Variants in PTPRN2 observed in about 807,000 individuals in gnomAD.
PTPRN2 encodes protein tyrosine phosphatase receptor type N2, also known as receptor-type tyrosine-protein phosphatase N2.
A neutral mutation model predicts 118.8 loss-of-function variants in PTPRN2; 74 were observed. The ratio of observed to expected loss-of-function variants is 0.62; its 90% CI spans 0.52 to 0.76. PTPRN2 has a LOEUF of 0.76. Among genes scored for constraint, PTPRN2 ranks in the 30% least tolerant of loss-of-function variants. The pLI is 0.00. For synonymous variants in PTPRN2, 641 were observed against 608.0 expected, an observed-to-expected ratio of 1.05 and a Z score of -0.80; for missense variants, 1,481 against 1,394.4, an observed-to-expected ratio of 1.06 and a Z score of -0.99.
Position 158,336,366 on chromosome 7 carries a change from T to G in PTPRN2, c.164-19434A>C, listed in dbSNP as rs62480959. ...GTCACTCACACCCACACTCTCACCA[T>G]AAGAGCTGACACATGCAGACGTCAC... On this transcript the variant is annotated intron_variant, in intron 2 of 22. Transcript: ENST00000389418. Among the ~76,000 whole-genome samples, 230 of 52,836 alleles carry G rather than the reference T, an allele frequency of 4.4e-3. 2 individuals are homozygous for G. The highest frequency in any genetic ancestry group is 0.015 in the African/African-American group (208 of 14,022). The allele number at this position is 52,836 out of a possible 152,430, so 34.7% of individuals were successfully genotyped here.
Position 157,794,309 on chromosome 7 carries a change from C to CCGACCCG in PTPRN2, c.1788+104363_1788+104364insCGGGTCG, listed in dbSNP as rs1804727018. Among the ~76,000 whole-genome samples, 5 of 151,818 alleles carry CCGACCCG rather than the reference C, an allele frequency of 3.3e-5. No homozygotes were observed. In the South Asian group the frequency reaches 1.1e-3, roughly 32 times the overall value. On this transcript the variant is annotated intron_variant, in intron 12 of 22. Coordinates refer to ENST00000389418, the MANE Select transcript of PTPRN2 (RefSeq NM_002847.5). This position sits in a 1 kb window ranked among gnomAD's most constrained non-coding sequence, Gnocchi z 5.2. ...CTCACACCTCCCCTCGTTCTCTGCT[C>CCGACCCG]TGACCCGGGCTCACACCTCCCTGCT...
intron 19 of PTPRN2, among the ~76,000 whole-genome samples, chr7:157,573,785 C>T (rs779891588): frequency 1.1e-4 from 17 of 152,178 alleles, no homozygotes; most frequent in Middle Eastern, 3.2e-3. Flanking sequence ...TCACAGTATA[C>T]GGAAGATACC....
In PTPRN2 at chr7:157,540,640, C is replaced by G. The variant is rs1014218447; in HGVS notation, c.*74G>C. The stretch of plus-strand genomic sequence containing the variant: ...CTATGCAGTTATAATAGAAGACACA[C>G]AATTAAAGTCAGATCATGATTCCTG... On this transcript the variant is annotated 3_prime_UTR_variant, in exon 23 of 23. Coordinates refer to ENST00000389418, the MANE Select transcript of PTPRN2 (RefSeq NM_002847.5). 3.1e-6 allele frequency: 4 copies of G among 1,290,534 alleles called. No individual in the cohort carries two copies. The African/African-American group carries it at 6.0e-5, about 19-fold the overall frequency. 79.9% of individuals were successfully genotyped at this position (1,290,534 alleles called of 1,614,324 possible).
At position 157,780,929 on chromosome 7, in the gene PTPRN2, C is replaced by T. The variant is rs1803641708; in HGVS notation, c.1789-97992G>A. 6.6e-6 allele frequency among the ~76,000 whole-genome samples: 1 copy of T among 152,224 alleles called. No individual in the cohort carries two copies. The highest frequency in any genetic ancestry group is 1.5e-5 in the Non-Finnish European group (1 of 68,036). On this transcript the variant is annotated intron_variant, in intron 12 of 22. Coordinates refer to ENST00000389418, the MANE Select transcript of PTPRN2 (RefSeq NM_002847.5). This position sits in a 1 kb window ranked among gnomAD's most constrained non-coding sequence, Gnocchi z 4.5. ...CACACCTGAACTCTCACCACCCCCACCGAGGCAGTGGGCAGCCCCTGAGCC... is the reference window on the plus strand; with the variant it reads ...CACACCTGAACTCTCACCACCCCCATCGAGGCAGTGGGCAGCCCCTGAGCC...
chr7:157,604,109 T>C (rs1455332675), intron 15 of PTPRN2, 34 bp from the exon 16 acceptor site: 6 of 1,603,714 alleles, frequency 3.7e-6, no homozygotes, highest in Admixed American at 3.3e-5. Flanking sequence ...CAGAGGAACA[T>C]TGGCCCACCC....
chr7:158,101,578 ATTC>A (rs1373578465), intron 10 of PTPRN2, among the ~76,000 whole-genome samples: 2 of 152,218 alleles, frequency 1.3e-5, no homozygotes, highest in African/African-American at 4.8e-5. Flanking sequence ...GAATAAACTC[ATTC>A]CTTCTTCCAG....
chr7:158,334,613 G>A (rs1426055842), intron 2 of PTPRN2, among the ~76,000 whole-genome samples: 1 of 100,680 alleles, frequency 9.9e-6, no homozygotes, highest in African/African-American at 3.5e-5. Context: ...CATAAGAGCC[G>A]ACGCCCGCAG....
At chr7:158,439,237 C>T (rs530929760) in intron 2 of PTPRN2, among the ~76,000 whole-genome samples, 7 of 152,166 alleles carry the variant, frequency 4.6e-5, no homozygotes, top group African/African-American at 1.7e-4. Context: ...GGGCACATGC[C>T]TCAGGCCCCC....
chr7:157,741,076 T>C (rs996070993), intron 12 of PTPRN2, among the ~76,000 whole-genome samples: 9 of 152,172 alleles, frequency 5.9e-5, no homozygotes, highest in African/African-American at 1.9e-4. Context: ...CTCATGTGAT[T>C]TGGAGGCCAA....
intron 7 of PTPRN2, 58 bp downstream of exon 7, chr7:158,138,236 T>C: frequency 1.3e-6 from 2 of 1,525,416 alleles, no homozygotes; most frequent in South Asian, 2.3e-5. Flanking sequence ...TGCACAGCCC[T>C]GAGGCCTCCC....
rs1799273154 is a variant in PTPRN2, at chr7:157,562,913, C to CAG, written c.2902+5988_2902+5989insCT. Among the ~76,000 whole-genome samples, 2 of 134,034 alleles carry CAG rather than the reference C, an allele frequency of 1.5e-5. 1 individual carries two copies. Among genetic ancestry groups the CAG allele is most frequent in the Non-Finnish European group, 3.2e-5 (2 of 63,258 alleles). The allele number at this position is 134,034 out of a possible 152,430, so 87.9% of individuals were successfully genotyped here. A position where few individuals can be genotyped will look rare whatever the true frequency, so the allele number is the denominator to read the frequency against. ...CCACGTGCTCCCGCATCACCACACA[C>CAG]CACAGATCAGGACCACGTGCTCCCA... is the stretch of plus-strand genomic sequence containing the variant. On this transcript the variant is annotated intron_variant, in intron 21 of 22. Coordinates refer to ENST00000389418, the MANE Select transcript of PTPRN2 (RefSeq NM_002847.5).
intron 13 of PTPRN2, 45 bp downstream of exon 13, chr7:157,682,680 A>G: frequency 1.3e-6 from 2 of 1,547,366 alleles, no homozygotes; most frequent in Non-Finnish European, 1.8e-6. Flanking sequence ...CTGCCTGTTC[A>G]ACAGATAAAT....
At chr7:158,142,196 G>T (rs73173604) in intron 6 of PTPRN2, among the ~76,000 whole-genome samples, 125 of 152,226 alleles carry the variant, frequency 8.2e-4, no homozygotes, top group African/African-American at 2.8e-3. Context: ...CAAACCCTGC[G>T]ATCCGGAGCC....
intron 21 of PTPRN2, among the ~76,000 whole-genome samples, chr7:157,556,495 C>T (rs1406391642): frequency 6.7e-6 from 1 of 149,976 alleles, no homozygotes; most frequent in African/African-American, 2.5e-5. Context: ...CACAGATGCA[C>T]ACACATACAC....
intron 12 of PTPRN2, among the ~76,000 whole-genome samples, chr7:157,842,041 C>G (rs1380254221): frequency 1.3e-5 from 2 of 152,178 alleles, no homozygotes; most frequent in South Asian, 2.1e-4. Context: ...TTGAAAGTAT[C>G]TTAGACCTCC....
At position 157,617,988 on chromosome 7, in the gene PTPRN2, C is replaced by A. The variant is rs1449208756; in HGVS notation, c.2344+3374G>T. 6.6e-6 allele frequency: 1 copy of A among 152,232 alleles called. No homozygotes were observed. Among genetic ancestry groups the A allele is most frequent in the Non-Finnish European group, 1.5e-5 (1 of 68,036 alleles). The allele number at this position is 152,232 out of a possible 1,614,324, so 9.4% of individuals were successfully genotyped here. ...CAGACAAGCGAAATGCTGCATAATT[C>A]TTTTTTAAACATTCAAAAAACAGAA... On this transcript the variant is annotated intron_variant, in intron 15 of 22. Coordinates refer to ENST00000389418, the MANE Select transcript of PTPRN2 (RefSeq NM_002847.5). The surrounding 1 kb of genome is among the most constrained non-coding windows in gnomAD (Gnocchi z 7.5).
chr7:157,856,162 T>A (rs1040704573), intron 12 of PTPRN2: 1 of 152,214 alleles, frequency 6.6e-6, no homozygotes, highest in Non-Finnish European at 1.5e-5. Context: ...TGATAATAAT[T>A]TCAGTATATG....
At chr7:158,224,061 A>G (rs1585895149) in intron 3 of PTPRN2, among the ~76,000 whole-genome samples, 4 of 152,224 alleles carry the variant, frequency 2.6e-5, no homozygotes, top group Admixed American at 2.6e-4. Context: ...CAAACCACGT[A>G]CAGGACCTAT....
chr7:157,916,439 T>C (rs895751097), intron 11 of PTPRN2, among the ~76,000 whole-genome samples: 12 of 152,216 alleles, frequency 7.9e-5, no homozygotes, highest in Admixed American at 7.9e-4. Flanking sequence ...TCATGGACTG[T>C]GAAGGGGTGC....
Sources: gnomAD v4.1 joint callset for allele counts (sites outside exome capture counted in the v4.1 genomes callset) on GRCh38, gnomAD v4.1.1 for gene constraint, Gnocchi (gnomAD v3.1) non-coding constraint, MANE v1.5 for transcripts, NCBI Gene and HGNC (gene_info 2026-07-23, HGNC 2026-07-21) for gene names.